Variants in CFAP46 observed in about 807,000 individuals in gnomAD.
CFAP46 encodes cilia- and flagella-associated protein 46.
Under a neutral mutation model 325.7 loss-of-function variants are expected in CFAP46, and 245 were observed. The ratio of observed to expected loss-of-function variants is 0.75; its 90% confidence interval spans 0.68 to 0.84. The LOEUF (loss-of-function observed/expected upper bound fraction) is 0.84, where lower values mean the gene tolerates loss of function less well. Among genes scored for constraint, CFAP46 ranks in the 40% least tolerant of loss-of-function variants. The pLI is 0.00. For missense variants in CFAP46, 3,346 were observed against 3,543.0 expected (o/e 0.94, Z 1.41); for synonymous variants, 1,523 against 1,495.9 (o/e 1.02, Z -0.42).
intron 22 of CFAP46, among the ~76,000 whole-genome samples, chr10:132,903,444 C>T (rs1398698074): frequency 6.6e-6 from 1 of 151,954 alleles, no homozygotes; most frequent in African/African-American, 2.4e-5. Context: ...GCGACTCTTC[C>T]ATCCATCTGG....
intron 22 of CFAP46, among the ~76,000 whole-genome samples, chr10:132,907,100 G>A (rs1591083552): frequency 6.6e-6 from 1 of 152,222 alleles, no homozygotes; most frequent in Non-Finnish European, 1.5e-5. Context: ...TGGTGTGCAG[G>A]GCTGTGGGAA....
At chr10:132,894,314 G>T (rs1476248992) in intron 24 of CFAP46, among the ~76,000 whole-genome samples, 1 of 152,282 alleles carries the variant, frequency 6.6e-6, no homozygotes, top group East Asian at 1.9e-4. Context: ...AAATCAATGT[G>T]ATGAAAAGCA....
intron 32 of CFAP46, among the ~76,000 whole-genome samples, chr10:132,872,025 A>C (rs1848901749): frequency 6.6e-6 from 1 of 152,238 alleles, no homozygotes; most frequent in Non-Finnish European, 1.5e-5. Flanking sequence ...GGATGTATGT[A>C]CATTTTTTAG....
intron 35 of CFAP46, among the ~76,000 whole-genome samples, chr10:132,863,195 T>C (rs1258601931): frequency 1.3e-5 from 2 of 152,042 alleles, no homozygotes; most frequent in African/African-American, 4.8e-5. Flanking sequence ...GGCCCCGGCA[T>C]GCAGCAGACT....
chr10:132,845,037 C>A (rs1472455801), intron 44 of CFAP46, among the ~76,000 whole-genome samples: 1 of 152,154 alleles, frequency 6.6e-6, no homozygotes, highest in East Asian at 1.9e-4. Context: ...AGGCACCCCC[C>A]TGCATGCCCA....
chr10:132,860,465 G>T lies in CFAP46; in HGVS notation c.5150C>A (p.Pro1717Gln), dbSNP rs1848705073. 9 of 1,551,204 alleles carry T rather than the reference G, an allele frequency of 5.8e-6. No homozygotes were observed. The highest frequency in any genetic ancestry group is 7.8e-6 in the Non-Finnish European group (9 of 1,147,110). ...NAFKILKKER[P>Q]NRLPLLEFMI... ...GAATTCCAGTAAAGGCAATCGGTTT[G>T]GTCTTTCTTTCTTGAGGATCTTGAA... The change falls in exon 37 of 58, where the codon CCA (proline) becomes CAA (glutamine). Residue 1717 changes from proline (P) to glutamine (Q), a missense_variant. Transcript: ENST00000368586.
At chr10:132,820,385 C>G (rs1389853942) in intron 50 of CFAP46, among the ~76,000 whole-genome samples, 1 of 152,242 alleles carries the variant, frequency 6.6e-6, no homozygotes, top group East Asian at 1.9e-4. Context: ...GTGCAAAGCC[C>G]TGGTGGTGCA....
chr10:132,812,754 G>A (rs754712720), intron 55 of CFAP46, 31 bp downstream of exon 55: 1 of 1,541,544 alleles, frequency 6.5e-7, no homozygotes, highest in Non-Finnish European at 8.9e-7. Flanking sequence ...TGTGCCCGCG[G>A]GGGAGGGGGT....
chr10:132,937,454 A>C, intron 6 of CFAP46, 98 bp downstream of exon 6: 3 of 1,461,020 alleles, frequency 2.1e-6, no homozygotes, highest in Non-Finnish European at 2.8e-6. Context: ...AGATTTTTAT[A>C]TCTCTCAGCA....
At chr10:132,853,620 T>G (rs1441694670) in intron 39 of CFAP46, among the ~76,000 whole-genome samples, 2 of 152,234 alleles carry the variant, frequency 1.3e-5, no homozygotes, top group Non-Finnish European at 2.9e-5. Context: ...TTTGGCAGAA[T>G]TCACTAGTAA....
intron 50 of CFAP46, among the ~76,000 whole-genome samples, chr10:132,822,125 T>G (rs1303915384): frequency 7.2e-6 from 1 of 139,342 alleles, no homozygotes; most frequent in Non-Finnish European, 1.5e-5. Flanking sequence ...GTGTGTGCAC[T>G]TGTGTGTGCT....
intron 44 of CFAP46, among the ~76,000 whole-genome samples, chr10:132,844,518 G>A (rs193286387): frequency 6.1e-4 from 93 of 152,280 alleles, no homozygotes; most frequent in African/African-American, 2.0e-3. Context: ...CCCCCAGCCC[G>A]ACTGCACTGA....
At chr10:132,863,675 G>T (rs1848756178) in intron 35 of CFAP46, among the ~76,000 whole-genome samples, 1 of 150,312 alleles carries the variant, frequency 6.7e-6, no homozygotes, top group Non-Finnish European at 1.5e-5. Flanking sequence ...TGTTCTCAGT[G>T]CCTGAGACCT....
intron 27 of CFAP46, among the ~76,000 whole-genome samples, chr10:132,882,034 T>C (rs1228236371): frequency 3.7e-5 from 5 of 136,424 alleles, no homozygotes; most frequent in Admixed American, 7.4e-5. Context: ...GTGTGTGGTG[T>C]GTGTGGGATG....
intron 35 of CFAP46, among the ~76,000 whole-genome samples, chr10:132,862,451 T>C (rs910661513): frequency 4.9e-3 from 108 of 22,242 alleles, no homozygotes; most frequent in African/African-American, 0.023. Flanking sequence ...TGGGGCGGGG[T>C]GGGGGGTGCG....
At chr10:132,835,066 G>C (rs1457974967) in intron 47 of CFAP46, among the ~76,000 whole-genome samples, 1 of 152,246 alleles carries the variant, frequency 6.6e-6, no homozygotes, top group Non-Finnish European at 1.5e-5. Context: ...GAGTGGACCA[G>C]GCCCCTCCTG....
At chr10:132,932,259 C>CCCACACAGAGCCTGGGCCTCCCTCCTCT (rs796097087) in intron 8 of CFAP46, among the ~76,000 whole-genome samples, 26 of 124,886 alleles carry the variant, frequency 2.1e-4, no homozygotes, top group African/African-American at 7.8e-4. Context: ...CTTCCTCCTC[C>CCCACACAGAGCCTGGGCCTCCCTCCTCT]CCACACAGAG....
At chr10:132,839,416 A>G (rs1367696437) in intron 44 of CFAP46, among the ~76,000 whole-genome samples, 1 of 152,250 alleles carries the variant, frequency 6.6e-6, no homozygotes. Context: ...ACCCTCGGCC[A>G]CAGAGAGAAC....
At chr10:132,941,527 C>T in intron 3 of CFAP46, 64 bp downstream of exon 3, 1 of 1,564,166 alleles carries the variant, frequency 6.4e-7, no homozygotes. Context: ...TCTAGCCTGG[C>T]ATTGCTCTGG....
Sources: allele counts gnomAD v4.1 joint callset (sites outside exome capture counted in the v4.1 genomes callset), GRCh38; gene constraint gnomAD v4.1.1; transcripts MANE v1.5; gene names NCBI Gene and HGNC (gene_info 2026-07-23, HGNC 2026-07-21).